The following BCHE variants were observed in gnomAD, a reference collection of about 807,000 sequenced individuals.
BCHE encodes butyrylcholinesterase.
BCHE carries 48 observed loss-of-function variants against 51.3 expected under a neutral mutation model. The ratio of observed to expected loss-of-function variants is 0.94; its 90% CI spans 0.74 to 1.19. The LOEUF (loss-of-function observed/expected upper bound fraction) is 1.19, where lower values mean the gene tolerates loss of function less well. Among genes scored for constraint, BCHE ranks in the 50% most tolerant of loss-of-function variants. The pLI is 0.00. For missense variants in BCHE, 847 were observed against 708.2 expected (o/e 1.20, Z -2.23); for synonymous variants, 251 against 238.0 (o/e 1.05, Z -0.50).
At chr3:165,818,675 C>T (rs922737066) in intron 2 of BCHE, among the ~76,000 whole-genome samples, 4 of 151,942 alleles carry the variant, frequency 2.6e-5, no homozygotes, top group South Asian at 2.1e-4. Flanking sequence ...ACTACCAACA[C>T]GAAGATCATG....
At chr3:165,822,635 G>A (rs1361750117) in intron 2 of BCHE, among the ~76,000 whole-genome samples, 3 of 152,000 alleles carry the variant, frequency 2.0e-5, no homozygotes, top group African/African-American at 4.8e-5. Context: ...ACTGTGAATG[G>A]TTCTCTCTGA....
chr3:165,803,200 C>T (rs986542447), intron 2 of BCHE, among the ~76,000 whole-genome samples: 1 of 152,038 alleles, frequency 6.6e-6, no homozygotes, highest in Non-Finnish European at 1.5e-5. Context: ...CTAATATGTG[C>T]CTAATAATGT....
intron 2 of BCHE, among the ~76,000 whole-genome samples, chr3:165,827,178 A>G (rs938854498): frequency 6.6e-6 from 1 of 152,126 alleles, no homozygotes; most frequent in Admixed American, 6.6e-5. Flanking sequence ...TTGAAAGTAG[A>G]TAACGAACAT....
intron 2 of BCHE, among the ~76,000 whole-genome samples, chr3:165,817,163 T>G (rs2108225978): frequency 6.6e-6 from 1 of 152,124 alleles, no homozygotes; most frequent in South Asian, 2.1e-4. Flanking sequence ...CTTGTCCCAA[T>G]TTATTCTCTT....
At chr3:165,799,494 T>G (rs958913819) in intron 2 of BCHE, among the ~76,000 whole-genome samples, 33 of 152,136 alleles carry the variant, frequency 2.2e-4, no homozygotes, top group Non-Finnish European at 4.6e-4. Flanking sequence ...TTTAATTTTA[T>G]TTGTATATCT....
chr3:165,821,272 T>C (rs1252988051), intron 2 of BCHE, among the ~76,000 whole-genome samples: 1 of 151,892 alleles, frequency 6.6e-6, no homozygotes, highest in Admixed American at 6.6e-5. Context: ...GGAAATTAAT[T>C]TCTTGGTGAA....
intron 2 of BCHE, chr3:165,828,211 T>A: frequency 2.8e-6 from 1 of 360,778 alleles, no homozygotes; most frequent in Admixed American, 3.7e-5. Flanking sequence ...AAGTAGGACT[T>A]TGTCATTAAA....
chr3:165,830,933 AT>A lies in BCHE; in HGVS notation c.100del (p.Ile34LeufsTer11), dbSNP rs750309713. On this transcript the variant is annotated frameshift_variant, in exon 2 of 4. Transcript: ENST00000264381. LOFTEE classifies it high-confidence loss of function. ...GKSHTEDDII[I>X]ATKNGKVRGM... is the part of the protein sequence containing the mutation. ...TCTGACTTTTCCATTCTTTGTTGCA[AT>A]TATGATGTCATCTTCAGTATGTGAC... is the stretch of plus-strand genomic sequence containing the variant. 4.8e-5 allele frequency: 78 copies of A among 1,613,820 alleles called. No individual in the cohort carries two copies. The highest frequency in any genetic ancestry group is 6.5e-5 in the Non-Finnish European group (77 of 1,179,908).
intron 2 of BCHE, among the ~76,000 whole-genome samples, chr3:165,787,726 A>G (rs967950718): frequency 1.3e-5 from 2 of 151,950 alleles, no homozygotes; most frequent in African/African-American, 4.8e-5. Flanking sequence ...GAATATATGG[A>G]CTTAGGATAT....
intron 3 of BCHE, among the ~76,000 whole-genome samples, chr3:165,773,751 G>T (rs771248598): frequency 1.1e-4 from 17 of 151,594 alleles, no homozygotes; most frequent in Non-Finnish European, 2.4e-4. Flanking sequence ...ATATAAAATG[G>T]AAAATGAGTT....
chr3:165,814,097 T>C (rs1424934130), intron 2 of BCHE, among the ~76,000 whole-genome samples: 4 of 152,050 alleles, frequency 2.6e-5, no homozygotes, highest in Non-Finnish European at 2.9e-5. Flanking sequence ...TCTGAATTAA[T>C]TGTATACTAA....
intron 1 of BCHE, 120 bp downstream of exon 1, chr3:165,837,194 G>C: frequency 1.8e-6 from 1 of 549,230 alleles, no homozygotes; most frequent in Non-Finnish European, 2.9e-6. Context: ...TTCAGTAACT[G>C]TTCCCCACAG....
chr3:165,822,825 T>G (rs1393342982), intron 2 of BCHE, among the ~76,000 whole-genome samples: 1 of 152,142 alleles, frequency 6.6e-6, no homozygotes, highest in Non-Finnish European at 1.5e-5. Context: ...CTGGTCTTTC[T>G]CATAACCCAA....
intron 3 of BCHE, among the ~76,000 whole-genome samples, chr3:165,774,930 T>G (rs972821304): frequency 3.3e-5 from 5 of 150,584 alleles, no homozygotes; most frequent in African/African-American, 1.2e-4. Flanking sequence ...TTACAATGTT[T>G]TAAGACACAT....
chr3:165,826,171 C>A (rs144435577), intron 2 of BCHE, among the ~76,000 whole-genome samples: 1 of 151,948 alleles, frequency 6.6e-6, no homozygotes, highest in Non-Finnish European at 1.5e-5. Flanking sequence ...AGAAAAAAAA[C>A]ATCTTCTACA....
chr3:165,796,270 T>C (rs1036777838), intron 2 of BCHE, among the ~76,000 whole-genome samples: 2 of 152,190 alleles, frequency 1.3e-5, no homozygotes, highest in African/African-American at 2.4e-5. Flanking sequence ...ATAATATAGC[T>C]TGACATCTGT....
At chr3:165,796,020 CA>C (rs1713362070) in intron 2 of BCHE, among the ~76,000 whole-genome samples, 1 of 151,842 alleles carries the variant, frequency 6.6e-6, no homozygotes, top group African/African-American at 2.4e-5. Context: ...CAAATTTGAT[CA>C]AAGGCAAAAC....
intron 2 of BCHE, among the ~76,000 whole-genome samples, chr3:165,797,049 A>C (rs1393098297): frequency 6.6e-6 from 1 of 152,108 alleles, no homozygotes; most frequent in East Asian, 1.9e-4. Flanking sequence ...CCAACTTCAG[A>C]AAATGAATTG....
At chr3:165,834,995 A>T (rs1715139857) in intron 1 of BCHE, among the ~76,000 whole-genome samples, 1 of 151,904 alleles carries the variant, frequency 6.6e-6, no homozygotes, top group Non-Finnish European at 1.5e-5. Flanking sequence ...TTGCTTATCA[A>T]AATAGTATTT....
Sources: allele counts gnomAD v4.1 joint callset (sites outside exome capture counted in the v4.1 genomes callset), GRCh38; gene constraint gnomAD v4.1.1; transcripts MANE v1.5; gene names NCBI Gene and HGNC (gene_info 2026-07-23, HGNC 2026-07-21).